ZNF804B: variants seen among roughly 807,000 people sequenced by gnomAD.
ZNF804B encodes the protein zinc finger 804B.
ZNF804B carries 80 observed loss-of-function variants against 101.4 expected under a neutral mutation model. That is an observed-to-expected ratio of 0.79 (90% CI 0.66 to 0.95). The LOEUF is 0.95. Ranked by LOEUF, ZNF804B falls within the 40% of genes least tolerant of loss-of-function variation. The pLI is 0.00. For synonymous variants in ZNF804B, 622 were observed against 558.8 expected, an observed-to-expected ratio of 1.11 and a Z score of -1.59; for missense variants, 1,673 against 1,561.9, an observed-to-expected ratio of 1.07 and a Z score of -1.20.
At chr7:88,916,309 G>A (rs2115986377) in intron 1 of ZNF804B, among the ~76,000 whole-genome samples, 1 of 152,170 alleles carries the variant, frequency 6.6e-6, no homozygotes, top group Admixed American at 6.5e-5. Context: ...AATGAATGAT[G>A]ACCATTAACT....
intron 1 of ZNF804B, among the ~76,000 whole-genome samples, chr7:89,141,696 C>CA (rs1331326056): frequency 1.6e-4 from 24 of 151,942 alleles, no homozygotes; most frequent in Admixed American, 4.6e-4. Flanking sequence ...CCAAGAGTTC[C>CA]AATTTTTCCA....
intron 1 of ZNF804B, among the ~76,000 whole-genome samples, chr7:89,100,288 C>CG (rs1021288236): frequency 3.3e-5 from 5 of 152,116 alleles, no homozygotes; most frequent in African/African-American, 1.2e-4. Flanking sequence ...AGACCCATAT[C>CG]ACTTACCATT....
intron 1 of ZNF804B, among the ~76,000 whole-genome samples, chr7:89,070,960 A>T (rs6979454): frequency 8.6e-4 from 131 of 152,012 alleles, no homozygotes; most frequent in African/African-American, 3.0e-3. Flanking sequence ...TGATTCCAGG[A>T]CCCCTGTGGA....
At chr7:88,790,383 A>G (rs1790363709) in intron 1 of ZNF804B, among the ~76,000 whole-genome samples, 1 of 152,002 alleles carries the variant, frequency 6.6e-6, no homozygotes, top group Non-Finnish European at 1.5e-5. Flanking sequence ...TTAGGTATCA[A>G]GCCCCACGTG....
At chr7:88,978,804 C>G (rs938983229) in intron 1 of ZNF804B, among the ~76,000 whole-genome samples, 2 of 146,316 alleles carry the variant, frequency 1.4e-5, no homozygotes, top group East Asian at 2.0e-4. Context: ...CCCTCCCTGC[C>G]TCCCTCCCTC....
At chr7:89,263,163 C>T (rs147382216) in intron 2 of ZNF804B, among the ~76,000 whole-genome samples, 10 of 152,266 alleles carry the variant, frequency 6.6e-5, no homozygotes, top group African/African-American at 2.2e-4. Flanking sequence ...GTCTTCCTGA[C>T]CTCCTTCAGT....
chr7:88,995,131 C>A (rs1562854421), intron 1 of ZNF804B, among the ~76,000 whole-genome samples: 1 of 151,968 alleles, frequency 6.6e-6, no homozygotes, highest in Non-Finnish European at 1.5e-5. Flanking sequence ...TTCTGTTCTC[C>A]CTGTGCACAT....
At chr7:89,035,308 T>G (rs951574403) in intron 1 of ZNF804B, among the ~76,000 whole-genome samples, 3 of 152,096 alleles carry the variant, frequency 2.0e-5, no homozygotes, top group Admixed American at 6.6e-5. Flanking sequence ...TTTGGTAGCT[T>G]CTATCACCAG....
At chr7:89,137,065 AC>A (rs1422856681) in intron 1 of ZNF804B, among the ~76,000 whole-genome samples, 1 of 151,884 alleles carries the variant, frequency 6.6e-6, no homozygotes, top group Non-Finnish European at 1.5e-5. Flanking sequence ...GTCCAATTAA[AC>A]CTCTTTCTTT....
rs149914311 is a variant in ZNF804B at position 88,951,275 on chromosome 7, A to G, written c.108+191191A>G. Among the ~76,000 whole-genome samples the G allele has an allele frequency of 9.5e-3, 1,449 of 152,014 alleles. 12 individuals are homozygous for G. The highest frequency in any genetic ancestry group is 0.034 in the Middle Eastern group (10 of 292). On this transcript the variant is annotated intron_variant, in intron 1 of 3. Coordinates refer to ENST00000333190, the MANE Select transcript of ZNF804B (RefSeq NM_181646.5). Reference sequence around the variant, plus strand: ...CCTTAAAAACATTTCCAAATAAAAAATTAAAGAAAATCTGATAGGTATGCA... The same window carrying G: ...CCTTAAAAACATTTCCAAATAAAAAGTTAAAGAAAATCTGATAGGTATGCA...
intron 1 of ZNF804B, among the ~76,000 whole-genome samples, chr7:88,865,958 C>T (rs574830095): frequency 1.6e-4 from 25 of 152,312 alleles, no homozygotes; most frequent in Middle Eastern, 3.4e-3. Context: ...ATGTTTTATA[C>T]ATCCTTCCAA....
intron 1 of ZNF804B, chr7:88,794,521 CT>C (rs1275644480): frequency 1.9e-6 from 3 of 1,613,560 alleles, no homozygotes; most frequent in Non-Finnish European, 2.5e-6. Context: ...CATAAAAAGC[CT>C]CATTGGAATG....
chr7:89,003,687 A>G (rs187437214), intron 1 of ZNF804B, among the ~76,000 whole-genome samples: 198 of 152,076 alleles, frequency 1.3e-3, no homozygotes, highest in African/African-American at 4.6e-3. Context: ...AATGAAATCA[A>G]AATGTTCAGA....
chr7:89,056,288 G>T (rs1289212621), intron 1 of ZNF804B, among the ~76,000 whole-genome samples: 1 of 152,088 alleles, frequency 6.6e-6, no homozygotes, highest in Admixed American at 6.6e-5. Flanking sequence ...GCCCAGTAAA[G>T]CCTGAAGCCC....
chr7:89,195,028 G>A (rs963693392), intron 1 of ZNF804B, among the ~76,000 whole-genome samples: 2 of 151,628 alleles, frequency 1.3e-5, no homozygotes, highest in African/African-American at 2.4e-5. Flanking sequence ...TGCAAGGCTG[G>A]TTCAATATAT....
chr7:88,946,829 G>A (rs113628274), intron 1 of ZNF804B, among the ~76,000 whole-genome samples: 213 of 151,644 alleles, frequency 1.4e-3, no homozygotes, highest in African/African-American at 4.9e-3. Context: ...TTTAGTCTTG[G>A]GATGGTGTCA....
intron 1 of ZNF804B, among the ~76,000 whole-genome samples, chr7:88,928,514 T>A (rs182975810): frequency 6.6e-6 from 1 of 152,294 alleles, no homozygotes; most frequent in East Asian, 1.9e-4. Context: ...AAGCCCTAGA[T>A]ATGATACATC....
At chr7:89,276,753 AT>A (rs1270647444) in intron 2 of ZNF804B, among the ~76,000 whole-genome samples, 1 of 151,828 alleles carries the variant, frequency 6.6e-6, no homozygotes, top group African/African-American at 2.4e-5. Context: ...ATTAAAATTA[AT>A]TTCCTAGCAT....
chr7:89,051,747 A>G (rs1269870547), intron 1 of ZNF804B, among the ~76,000 whole-genome samples: 1 of 152,082 alleles, frequency 6.6e-6, no homozygotes, highest in Non-Finnish European at 1.5e-5. Flanking sequence ...AAATATATTA[A>G]CAATTTGCAG....
Sources: gnomAD v4.1 joint callset for allele counts (sites outside exome capture counted in the v4.1 genomes callset) on GRCh38, gnomAD v4.1.1 for gene constraint, MANE v1.5 for transcripts, NCBI Gene and HGNC (gene_info 2026-07-23, HGNC 2026-07-21) for gene names.